The following XIST variants were observed in gnomAD, a reference collection of about 807,000 sequenced individuals.
XIST encodes X inactive specific transcript, also known as X inactive specific transcript (non-protein coding).
chrX:73,826,146 G>A (rs1182541883), exon 6 of XIST: 2 of 559,181 alleles, frequency 3.6e-6, no homozygotes. Flanking sequence ...GTTGCTGGCA[G>A]GTGCTTCTCA....
chrX:73,832,815 A>G (rs1922411807), intron 3 of XIST, among the ~76,000 whole-genome samples: 2 of 111,399 alleles, frequency 1.8e-5, no homozygotes, highest in African/African-American at 6.5e-5. Flanking sequence ...CTCATTATGT[A>G]AAGTTAAAAT....
intron 2 of XIST, among the ~76,000 whole-genome samples, chrX:73,836,501 T>A (rs1015591093): frequency 8.9e-6 from 1 of 111,733 alleles, no homozygotes; most frequent in Admixed American, 9.6e-5. Flanking sequence ...ACTATAATGA[T>A]CCATGTGGCA....
exon 6 of XIST, chrX:73,824,515 A>C (rs1244601194): frequency 1.8e-6 from 1 of 557,043 alleles, no homozygotes; most frequent in Non-Finnish European, 3.2e-6. Flanking sequence ...GTAGGCAATC[A>C]AAATTGATCT....
At chrX:73,821,585 C>T (rs1922117217) in exon 6 of XIST, 1 of 555,874 alleles carries the variant, frequency 1.8e-6, no homozygotes, top group Non-Finnish European at 3.2e-6. Flanking sequence ...TGAAACTGAA[C>T]AATTTAAACC....
chrX:73,828,255 C>T (rs1922309037), intron 5 of XIST: 1 of 285,857 alleles, frequency 3.5e-6, no homozygotes, highest in Admixed American at 6.0e-5. Context: ...AGCATGCCAA[C>T]TCTGCCTGCT....
chrX:73,842,504 A>C (rs1048180714), exon 1 of XIST: 2 of 555,303 alleles, frequency 3.6e-6, no homozygotes, highest in African/African-American at 4.5e-5. Context: ...TAAATGAAAG[A>C]AAATGAGTGA....
chrX:73,847,421 T>C, exon 1 of XIST: 1 of 511,361 alleles, frequency 2.0e-6, no homozygotes, highest in Non-Finnish European at 3.5e-6. Context: ...TTTTTTTTAA[T>C]GTTGGCCAGG....
chrX:73,840,449 G>A (rs66494893), intron 1 of XIST, among the ~76,000 whole-genome samples: 1 of 111,156 alleles, frequency 9.0e-6, no homozygotes, highest in African/African-American at 3.3e-5. Context: ...AAAAAGTTTC[G>A]AATGTTATGT....
At chrX:73,843,327 CA>C (rs1403162580) in exon 1 of XIST, 2 of 558,656 alleles carry the variant, frequency 3.6e-6, no homozygotes, top group Non-Finnish European at 6.5e-6. Context: ...AACGAGGAAG[CA>C]GGAGTCTTAT....
exon 1 of XIST, chrX:73,842,565 A>C (rs764486480): frequency 5.4e-6 from 3 of 556,926 alleles, no homozygotes; most frequent in Admixed American, 4.5e-5. Context: ...CACTGCACCA[A>C]CACACCAAAG....
At chrX:73,847,973 A>AT (rs764821450) in exon 1 of XIST, 2 of 559,401 alleles carry the variant, frequency 3.6e-6, no homozygotes, top group South Asian at 4.4e-5. Flanking sequence ...CATGGTTCAC[A>AT]TTAACTATCC....
In XIST at chrX:73,849,034, G is replaced by A. The variant is rs1222617632; in HGVS notation, n.3690C>T. ...CTGTTATGCAAAGATGTTTGCAAAG[G>A]CCATAGTGTAACTAACAGAACTATG... On this transcript the variant is annotated non_coding_transcript_exon_variant, in exon 1 of 6. Coordinates refer to ENST00000429829, the Ensembl canonical transcript of XIST. 1.1e-5 allele frequency: 6 copies of A among 557,545 alleles called. No individual in the cohort carries two copies. The Admixed American group carries it at 1.3e-4, about 12-fold the overall frequency. 45.9% of individuals were successfully genotyped at this position (557,545 alleles called of 1,213,427 possible). A position where few individuals can be genotyped will look rare whatever the true frequency, so the allele number is the denominator to read the frequency against.
At chrX:73,851,414 T>G (rs1451602701) in exon 1 of XIST, 1 of 557,383 alleles carries the variant, frequency 1.8e-6, no homozygotes, top group Non-Finnish European at 3.2e-6. Flanking sequence ...TCCACCACCA[T>G]GCTAACCACT....
intron 1 of XIST, among the ~76,000 whole-genome samples, chrX:73,839,044 G>C (rs1248521530): frequency 9.0e-6 from 1 of 111,421 alleles, no homozygotes. Flanking sequence ...ATTTTTCCAG[G>C]ATGCTTTCAC....
intron 2 of XIST, among the ~76,000 whole-genome samples, chrX:73,835,053 A>G (rs901506543): frequency 3.6e-5 from 4 of 111,507 alleles, no homozygotes; most frequent in African/African-American, 1.3e-4. Context: ...CTGGGAACCC[A>G]GAAGATGAAA....
chrX:73,831,313 C>T, intron 3 of XIST: 1 of 487,147 alleles, frequency 2.1e-6, no homozygotes, highest in South Asian at 2.9e-5. Context: ...AAATGCAGTA[C>T]ACTGGGAAAG....
At chrX:73,827,029 G>A (rs778777011) in exon 6 of XIST, 1 of 556,562 alleles carries the variant, frequency 1.8e-6, no homozygotes, top group South Asian at 2.2e-5. Context: ...TATCTATCTT[G>A]GAACATGGGC....
exon 1 of XIST, chrX:73,845,196 TC>T (rs1569512472): frequency 2.0e-5 from 11 of 543,561 alleles, no homozygotes; most frequent in Non-Finnish European, 3.3e-5. Context: ...AGCGGGTACT[TC>T]CTGCCAGAAG....
intron 2 of XIST, chrX:73,833,678 A>G (rs1316792131): frequency 6.7e-6 from 1 of 149,382 alleles, no homozygotes; most frequent in Non-Finnish European, 1.3e-5. Flanking sequence ...TGCTGAAAAT[A>G]CTTCAAGATT....
Sources: allele counts gnomAD v4.1 joint callset (sites outside exome capture counted in the v4.1 genomes callset), GRCh38; gene constraint gnomAD v4.1.1; transcripts MANE v1.5; gene names NCBI Gene and HGNC (gene_info 2026-07-23, HGNC 2026-07-21).